Variants in MACROD2 observed in about 807,000 individuals in gnomAD.
MACROD2 encodes the protein mono-ADP ribosylhydrolase 2, also known as ADP-ribose glycohydrolase MACROD2.
MACROD2 carries 36 observed loss-of-function variants against 70.4 expected under a neutral mutation model. That is an observed-to-expected ratio of 0.51 (90% CI 0.39 to 0.68). The LOEUF is 0.68. Among genes scored for constraint, MACROD2 ranks in the 30% least tolerant of loss-of-function variants. The probability of loss-of-function intolerance (pLI) is 0.00; values close to 1 mark genes in which losing one functional copy is unlikely to be tolerated. For missense variants in MACROD2, 496 were observed against 538.4 expected (o/e 0.92, Z 0.78); for synonymous variants, 172 against 178.8 (o/e 0.96, Z 0.30).
chr20:15,364,653 T>C (rs2045380771), intron 6 of MACROD2, among the ~76,000 whole-genome samples: 1 of 152,236 alleles, frequency 6.6e-6, no homozygotes, highest in Admixed American at 6.5e-5. Flanking sequence ...GTCTCTCAAA[T>C]CTACCTTTTG....
chr20:14,014,922 T>C (rs13038954), intron 2 of MACROD2, among the ~76,000 whole-genome samples: 1 of 151,768 alleles, frequency 6.6e-6, no homozygotes. Flanking sequence ...TACCTCAGCC[T>C]CCTGAGTAGT....
intron 3 of MACROD2, among the ~76,000 whole-genome samples, chr20:14,255,778 ACT>A (rs1290343802): frequency 6.6e-6 from 1 of 151,784 alleles, no homozygotes; most frequent in Non-Finnish European, 1.5e-5. Flanking sequence ...GTCAGCTGTA[ACT>A]CTCATTGTAG....
intron 8 of MACROD2, among the ~76,000 whole-genome samples, chr20:15,686,219 TTAAA>T (rs1212272549): frequency 7.9e-5 from 12 of 152,198 alleles, no homozygotes; most frequent in Admixed American, 6.5e-5. Context: ...TTTTTGCTAC[TTAAA>T]TAGAGACAGA....
At chr20:15,339,287 C>T (rs1325290670) in intron 6 of MACROD2, among the ~76,000 whole-genome samples, 1 of 151,784 alleles carries the variant, frequency 6.6e-6, no homozygotes, top group Non-Finnish European at 1.5e-5. Context: ...TTCTGATGTT[C>T]AGTTTATGTT....
chr20:15,551,464 C>T (rs1220643133), intron 8 of MACROD2, among the ~76,000 whole-genome samples: 1 of 151,666 alleles, frequency 6.6e-6, no homozygotes, highest in Non-Finnish European at 1.5e-5. Context: ...CAGAAGGGAC[C>T]GAAGAGAAAA....
intron 5 of MACROD2, chr20:14,888,218 A>G (rs1280894695): frequency 6.6e-6 from 1 of 152,230 alleles, no homozygotes; most frequent in Non-Finnish European, 1.5e-5. Flanking sequence ...CTCATGCCCT[A>G]CACTGCAGAC....
intron 3 of MACROD2, among the ~76,000 whole-genome samples, chr20:14,479,314 G>T (rs1364837944): frequency 1.3e-5 from 2 of 152,144 alleles, no homozygotes; most frequent in African/African-American, 4.8e-5. Context: ...GCCCCGTGCT[G>T]GTGCTGTCCT....
At chr20:14,020,667 T>C (rs1391493033) in intron 2 of MACROD2, among the ~76,000 whole-genome samples, 1 of 152,200 alleles carries the variant, frequency 6.6e-6, no homozygotes, top group African/African-American at 2.4e-5. Context: ...ATTTATTGAT[T>C]GATTGAGTAC....
intron 6 of MACROD2, among the ~76,000 whole-genome samples, chr20:15,268,612 C>T (rs1207173643): frequency 6.6e-6 from 1 of 152,166 alleles, no homozygotes; most frequent in Non-Finnish European, 1.5e-5. Context: ...GAGATTGCGC[C>T]ACTGCACTCC....
chr20:15,217,227 A>ATG (rs2076818194), intron 5 of MACROD2, among the ~76,000 whole-genome samples: 1 of 152,180 alleles, frequency 6.6e-6, no homozygotes, highest in East Asian at 1.9e-4. Context: ...ATAGAGAAGA[A>ATG]TGTATTCCTA....
chr20:15,170,566 C>T (rs1367143124), intron 5 of MACROD2, among the ~76,000 whole-genome samples: 2 of 152,156 alleles, frequency 1.3e-5, no homozygotes, highest in South Asian at 2.1e-4. Flanking sequence ...GACATGCTGG[C>T]TCCTCACCAT....
intron 6 of MACROD2, among the ~76,000 whole-genome samples, chr20:15,233,441 G>A (rs1009718122): frequency 1.3e-5 from 2 of 152,068 alleles, no homozygotes; most frequent in Non-Finnish European, 2.9e-5. Flanking sequence ...GTTTTGCTAA[G>A]AGGAGATCAT....
chr20:14,254,582 A>G (rs1465477798), intron 3 of MACROD2, among the ~76,000 whole-genome samples: 1 of 152,094 alleles, frequency 6.6e-6, no homozygotes, highest in Admixed American at 6.6e-5. Flanking sequence ...TTTTATCTAA[A>G]AGAAATTCAG....
At chr20:15,674,742 T>C (rs929353780) in intron 8 of MACROD2, among the ~76,000 whole-genome samples, 4 of 128,626 alleles carry the variant, frequency 3.1e-5, no homozygotes, top group African/African-American at 1.2e-4. Context: ...TGTGTGTCTA[T>C]GTGTGTGTGT....
At chr20:15,872,357 G>A (rs1244029902) in intron 9 of MACROD2, among the ~76,000 whole-genome samples, 1 of 152,140 alleles carries the variant, frequency 6.6e-6, no homozygotes, top group African/African-American at 2.4e-5. Context: ...CTTGAAGAAG[G>A]GGTGGTGAAT....
At chr20:14,778,770 C>T (rs2072264413) in intron 5 of MACROD2, among the ~76,000 whole-genome samples, 1 of 152,010 alleles carries the variant, frequency 6.6e-6, no homozygotes, top group Admixed American at 6.6e-5. Flanking sequence ...AGCTGGTAGG[C>T]CCAGGTGAGG....
chr20:14,437,812 TG>T (rs1268881341), intron 3 of MACROD2, among the ~76,000 whole-genome samples: 1 of 152,206 alleles, frequency 6.6e-6, no homozygotes, highest in Non-Finnish European at 1.5e-5. Context: ...CCTATTAAGA[TG>T]TTTTTAAATA....
chr20:14,402,013 T>C (rs944079059), intron 3 of MACROD2, among the ~76,000 whole-genome samples: 2 of 152,204 alleles, frequency 1.3e-5, no homozygotes, highest in African/African-American at 2.4e-5. Flanking sequence ...TTGTCAATTA[T>C]TTTAATATAC....
At chr20:14,331,677 T>C (rs2082844032) in intron 3 of MACROD2, among the ~76,000 whole-genome samples, 1 of 152,162 alleles carries the variant, frequency 6.6e-6, no homozygotes, top group Admixed American at 6.6e-5. Context: ...TTCCCATTTA[T>C]GTTTGAAACT....
Sources: allele counts gnomAD v4.1 joint callset (sites outside exome capture counted in the v4.1 genomes callset), GRCh38; gene constraint gnomAD v4.1.1; transcripts MANE v1.5; gene names NCBI Gene and HGNC (gene_info 2026-07-23, HGNC 2026-07-21).